DPP10: variants seen among roughly 807,000 people sequenced by gnomAD.
The protein encoded by DPP10 is dipeptidyl peptidase like 10.
A neutral mutation model predicts 120.9 loss-of-function variants in DPP10; 33 were observed. The ratio of observed to expected loss-of-function variants is 0.27; its 90% CI spans 0.21 to 0.37. The LOEUF (loss-of-function observed/expected upper bound fraction) is 0.37, where lower values mean the gene tolerates loss of function less well. Ranked by LOEUF, DPP10 falls within the 10% of genes least tolerant of loss-of-function variation. The probability of loss-of-function intolerance (pLI) is 1.00; values close to 1 mark genes in which losing one functional copy is unlikely to be tolerated. For missense variants in DPP10, 816 were observed against 942.8 expected (o/e 0.87, Z 1.76); for synonymous variants, 337 against 326.1 (o/e 1.03, Z -0.36).
chr2:114,934,562 T>A (rs1444598822), intron 1 of DPP10, among the ~76,000 whole-genome samples: 2 of 151,978 alleles, frequency 1.3e-5, no homozygotes, highest in African/African-American at 4.8e-5. Context: ...CAGAGTAAAA[T>A]CTACAAATAA....
chr2:115,388,106 CTTT>C (rs988787812), intron 3 of DPP10, among the ~76,000 whole-genome samples: 7 of 152,276 alleles, frequency 4.6e-5, no homozygotes, highest in Non-Finnish European at 7.4e-5. Context: ...GGTCACATCA[CTTT>C]TTCATTCTCA....
chr2:114,957,268 A>G (rs572236380), intron 1 of DPP10, among the ~76,000 whole-genome samples: 1 of 151,906 alleles, frequency 6.6e-6, no homozygotes, highest in Non-Finnish European at 1.5e-5. Flanking sequence ...TGGGCAAGGG[A>G]TCTGAACAGA....
At chr2:114,804,087 G>A (rs1356552738) in intron 1 of DPP10, among the ~76,000 whole-genome samples, 1 of 152,220 alleles carries the variant, frequency 6.6e-6, no homozygotes, top group African/African-American at 2.4e-5. Context: ...ATTGCTGAAA[G>A]GGGCCAATGT....
intron 1 of DPP10, among the ~76,000 whole-genome samples, chr2:114,883,976 A>G (rs1489028077): frequency 6.6e-6 from 1 of 152,262 alleles, no homozygotes; most frequent in Non-Finnish European, 1.5e-5. Context: ...GGGAGAAATT[A>G]GAAATACTGG....
chr2:115,187,137 C>T (rs975633389), intron 1 of DPP10, among the ~76,000 whole-genome samples: 4 of 147,494 alleles, frequency 2.7e-5, no homozygotes, highest in African/African-American at 1.0e-4. Context: ...CCCGGGTTCA[C>T]GCCATTCTCC....
intron 1 of DPP10, among the ~76,000 whole-genome samples, chr2:114,686,460 TA>T (rs1221842461): frequency 6.6e-6 from 1 of 151,882 alleles, no homozygotes; most frequent in African/African-American, 2.4e-5. Context: ...AATATATCTA[TA>T]GATGTAAAGA....
intron 1 of DPP10, among the ~76,000 whole-genome samples, chr2:114,744,772 T>C (rs1410995924): frequency 1.3e-5 from 2 of 151,158 alleles, no homozygotes; most frequent in South Asian, 2.1e-4. Flanking sequence ...GCCTAATTTG[T>C]TTTTTTTTAG....
chr2:114,824,125 T>G (rs2106368791), intron 1 of DPP10, among the ~76,000 whole-genome samples: 1 of 152,324 alleles, frequency 6.6e-6, no homozygotes, highest in Admixed American at 6.5e-5. Flanking sequence ...CAGAGTAGTC[T>G]TATGTGTGGA....
At chr2:115,277,371 A>G (rs1249284528) in intron 1 of DPP10, among the ~76,000 whole-genome samples, 1 of 148,366 alleles carries the variant, frequency 6.7e-6, no homozygotes, top group Non-Finnish European at 1.5e-5. Flanking sequence ...AGACTACACT[A>G]TCTTTTAGCA....
intron 5 of DPP10, among the ~76,000 whole-genome samples, chr2:115,537,744 G>A (rs1227636681): frequency 6.6e-6 from 1 of 152,042 alleles, no homozygotes; most frequent in Admixed American, 6.6e-5. Context: ...TGTGATCATA[G>A]ATTCTGCAGA....
intron 1 of DPP10, among the ~76,000 whole-genome samples, chr2:114,518,793 G>T (rs1232492022): frequency 1.3e-5 from 2 of 152,180 alleles, no homozygotes; most frequent in Non-Finnish European, 2.9e-5. Context: ...ATCATAGCGG[G>T]TTATCCAACT....
At chr2:114,698,803 G>C (rs866889184) in intron 1 of DPP10, among the ~76,000 whole-genome samples, 2 of 152,084 alleles carry the variant, frequency 1.3e-5, no homozygotes, top group Admixed American at 6.6e-5. Context: ...ATTTGGAAAG[G>C]GGGGCTTGGT....
chr2:114,625,214 C>T (rs1304459235), intron 1 of DPP10, among the ~76,000 whole-genome samples: 1 of 151,824 alleles, frequency 6.6e-6, no homozygotes, highest in East Asian at 1.9e-4. Context: ...GTTGAAGACA[C>T]GAGGTTGTGT....
At chr2:115,718,494 T>C (rs1268663361) in intron 7 of DPP10, among the ~76,000 whole-genome samples, 1 of 152,178 alleles carries the variant, frequency 6.6e-6, no homozygotes, top group Non-Finnish European at 1.5e-5. Flanking sequence ...TCTACATTTC[T>C]TAGATCTCTT....
intron 1 of DPP10, among the ~76,000 whole-genome samples, chr2:114,855,176 G>A (rs1290383088): frequency 2.6e-5 from 4 of 152,094 alleles, no homozygotes; most frequent in Non-Finnish European, 4.4e-5. Context: ...ACAAAGAAAC[G>A]ACATATTAGA....
At chr2:115,464,761 G>A (rs1427211832) in intron 3 of DPP10, among the ~76,000 whole-genome samples, 1 of 152,086 alleles carries the variant, frequency 6.6e-6, no homozygotes, top group Non-Finnish European at 1.5e-5. Flanking sequence ...GGTAATTATG[G>A]CCTCCCCTTG....
intron 2 of DPP10, among the ~76,000 whole-genome samples, chr2:115,326,494 C>T (rs914087332): frequency 5.9e-5 from 9 of 151,932 alleles, no homozygotes; most frequent in South Asian, 4.1e-4. Flanking sequence ...TTCCTTCTAC[C>T]TATTAAAACA....
chr2:115,210,561 A>G (rs1467262479), intron 1 of DPP10, among the ~76,000 whole-genome samples: 1 of 152,042 alleles, frequency 6.6e-6, no homozygotes, highest in Non-Finnish European at 1.5e-5. Flanking sequence ...GTCAAATGGT[A>G]TTTCTAGTTC....
chr2:115,336,361 A>G (rs937027989), intron 2 of DPP10, among the ~76,000 whole-genome samples: 1 of 152,064 alleles, frequency 6.6e-6, no homozygotes, highest in Non-Finnish European at 1.5e-5. Flanking sequence ...TTAAGATTCT[A>G]CAATACCTTG....
Sources: allele counts gnomAD v4.1 joint callset (sites outside exome capture counted in the v4.1 genomes callset), GRCh38; gene constraint gnomAD v4.1.1; transcripts MANE v1.5; gene names NCBI Gene and HGNC (gene_info 2026-07-23, HGNC 2026-07-21).